Variants in ZNF423 observed in about 807,000 individuals in gnomAD.
ZNF423 encodes the protein Ebf-associated zinc finger protein.
ZNF423 carries 12 observed loss-of-function variants against 95.8 expected under a neutral mutation model. The observed-to-expected ratio is 0.13, with a 90% CI of 0.08 to 0.20. ZNF423 has a LOEUF of 0.20. ZNF423 is among the 10% of genes least tolerant of loss of function. The pLI, the probability that ZNF423 is intolerant of heterozygous loss-of-function variation, is 1.00. For synonymous variants in ZNF423, 749 were observed against 711.9 expected (o/e 1.05, Z -0.83); for missense variants, 1,316 against 1,737.1 (o/e 0.76, Z 4.31).
intron 2 of ZNF423, among the ~76,000 whole-genome samples, chr16:49,759,630 A>C (rs2033791064): frequency 6.6e-6 from 1 of 152,228 alleles, no homozygotes; most frequent in South Asian, 2.1e-4. Context: ...GTTGAAAAGC[A>C]TGGAGTTGCA....
At chr16:49,580,232 G>A (rs1970628479) in intron 5 of ZNF423, among the ~76,000 whole-genome samples, 1 of 152,126 alleles carries the variant, frequency 6.6e-6, no homozygotes. Context: ...CGTCATGGGA[G>A]CCACTGTCCC....
At chr16:49,685,157 T>C (rs2031516556) in intron 3 of ZNF423, among the ~76,000 whole-genome samples, 2 of 152,194 alleles carry the variant, frequency 1.3e-5, no homozygotes, top group South Asian at 4.2e-4. Context: ...CTCTGGAAGG[T>C]AGCAGCCCCC....
chr16:49,728,026 T>C (rs1192057870), intron 3 of ZNF423, among the ~76,000 whole-genome samples: 4 of 152,120 alleles, frequency 2.6e-5, no homozygotes, highest in Non-Finnish European at 1.5e-5. Context: ...ACTTTTAAGG[T>C]GAATCGCTCC....
At chr16:49,807,997 T>C (rs2034692094) in intron 1 of ZNF423, among the ~76,000 whole-genome samples, 1 of 152,212 alleles carries the variant, frequency 6.6e-6, no homozygotes. Context: ...TTTTTCTAGC[T>C]TCTCCCTAAG....
At chr16:49,747,737 GAGAACCACAGGGA>G (rs2033555369) in intron 2 of ZNF423, among the ~76,000 whole-genome samples, 1 of 152,046 alleles carries the variant, frequency 6.6e-6, no homozygotes, top group Non-Finnish European at 1.5e-5. Flanking sequence ...GAATAAATTG[GAGAACCACAGGGA>G]AGCACAGAAT....
upstream of ZNF423, among the ~76,000 whole-genome samples, chr16:49,859,187 T>C (rs948740767): frequency 6.6e-6 from 1 of 151,916 alleles, no homozygotes; most frequent in Non-Finnish European, 1.5e-5. Flanking sequence ...TTTCCACCCC[T>C]AGGGGCCTGC....
At chr16:49,821,948 T>C (rs1232307080) in intron 1 of ZNF423, among the ~76,000 whole-genome samples, 1 of 152,092 alleles carries the variant, frequency 6.6e-6, no homozygotes, top group East Asian at 1.9e-4. Flanking sequence ...ATGCCTCCAG[T>C]TGGGTCTTCC....
At chr16:49,570,873 T>C (rs896159287) in intron 5 of ZNF423, among the ~76,000 whole-genome samples, 2 of 152,198 alleles carry the variant, frequency 1.3e-5, no homozygotes, top group Non-Finnish European at 2.9e-5. Flanking sequence ...CACAAGTGTG[T>C]CAGCAGAGGT....
At chr16:49,795,048 T>C (rs570060732) in intron 1 of ZNF423, among the ~76,000 whole-genome samples, 1 of 152,188 alleles carries the variant, frequency 6.6e-6, no homozygotes, top group African/African-American at 2.4e-5. Flanking sequence ...AATTTTGTAT[T>C]TGTAGTAGAA....
chr16:49,643,444 CGACTGAGT>C (rs1973050706), intron 3 of ZNF423, among the ~76,000 whole-genome samples: 2 of 151,994 alleles, frequency 1.3e-5, no homozygotes, highest in Admixed American at 1.3e-4. Flanking sequence ...GGGCACAGAG[CGACTGAGT>C]GACTTGCCCA....
intron 3 of ZNF423, among the ~76,000 whole-genome samples, chr16:49,719,964 C>T (rs1212008288): frequency 6.6e-6 from 1 of 152,160 alleles, no homozygotes; most frequent in Non-Finnish European, 1.5e-5. Flanking sequence ...CTCAAGGCTC[C>T]GACTAACTTG....
In ZNF423 at chr16:49,538,432, C is replaced by T. The variant is rs565350592; in HGVS notation, c.3602-12938G>A. Among the ~76,000 whole-genome samples the T allele has an allele frequency of 9.2e-5, 14 of 152,318 alleles. No individual in the cohort carries two copies. In the East Asian group the frequency reaches 2.3e-3, roughly 25 times the overall value. On this transcript the variant is annotated intron_variant, in intron 5 of 7. Coordinates refer to ENST00000563137, the MANE Select transcript of ZNF423 (RefSeq NM_001379286.1). The stretch of plus-strand genomic sequence containing the variant: ...CAGACACCTGGCAATTCACCCTTTG[C>T]TCTCCGCTCCTGGCCCCACCTCATC...
intron 2 of ZNF423, among the ~76,000 whole-genome samples, chr16:49,771,827 T>C (rs1055255422): frequency 2.6e-5 from 4 of 152,168 alleles, no homozygotes; most frequent in African/African-American, 9.7e-5. Context: ...CACAGCAGTA[T>C]GAAAATGGAC....
chr16:49,652,999 G>GT (rs1289893350), intron 3 of ZNF423, among the ~76,000 whole-genome samples: 2 of 152,204 alleles, frequency 1.3e-5, no homozygotes, highest in African/African-American at 4.8e-5. Flanking sequence ...AGAAACAGCT[G>GT]TTTGCTAATT....
At chr16:49,838,868 G>C (rs982373798) in intron 1 of ZNF423, among the ~76,000 whole-genome samples, 1 of 151,702 alleles carries the variant, frequency 6.6e-6, no homozygotes, top group Non-Finnish European at 1.5e-5. Flanking sequence ...CCTCCCGCGC[G>C]GGGGGCGGCC....
chr16:49,732,688 C>T, intron 2 of ZNF423, among the ~76,000 whole-genome samples: 1 of 152,212 alleles, frequency 6.6e-6, no homozygotes, highest in South Asian at 2.1e-4. Flanking sequence ...AAAGAATGCA[C>T]TCAATTCAAG....
chr16:49,518,173 G>A (rs942850209), intron 7 of ZNF423: 2 of 383,660 alleles, frequency 5.2e-6, no homozygotes, highest in Admixed American at 3.3e-5. Context: ...TTGCATCCTT[G>A]GAATCTACAT....
chr16:49,545,493 C>T (rs563483497), intron 5 of ZNF423, among the ~76,000 whole-genome samples: 2 of 152,296 alleles, frequency 1.3e-5, no homozygotes, highest in South Asian at 4.1e-4. Context: ...GTGAGCTACA[C>T]AGGTGTCATG....
chr16:49,811,681 C>G (rs1398923339), intron 1 of ZNF423, among the ~76,000 whole-genome samples: 1 of 152,136 alleles, frequency 6.6e-6, no homozygotes, highest in Non-Finnish European at 1.5e-5. Flanking sequence ...AGCAGCCATC[C>G]CCGCAGGACT....
Sources: allele counts gnomAD v4.1 joint callset (sites outside exome capture counted in the v4.1 genomes callset), GRCh38; gene constraint gnomAD v4.1.1; transcripts MANE v1.5; gene names NCBI Gene and HGNC (gene_info 2026-07-23, HGNC 2026-07-21).